The following FBXL17 variants were observed in gnomAD, a reference collection of about 807,000 sequenced individuals.
The protein encoded by FBXL17 is F-box/LRR-repeat protein 17.
Under a neutral mutation model 66.2 loss-of-function variants are expected in FBXL17, and 22 were observed. The observed-to-expected ratio is 0.33, with a 90% CI of 0.24 to 0.47. The LOEUF (loss-of-function observed/expected upper bound fraction) is 0.47, where lower values mean the gene tolerates loss of function less well. Ranked by LOEUF, FBXL17 falls within the 20% of genes least tolerant of loss-of-function variation. The pLI, the probability that FBXL17 is intolerant of heterozygous loss-of-function variation, is 1.00. For missense variants in FBXL17, 878 were observed against 948.2 expected (o/e 0.93, Z 0.97); for synonymous variants, 474 against 400.5 (o/e 1.18, Z -2.19).
intron 4 of FBXL17, among the ~76,000 whole-genome samples, chr5:108,229,977 A>G (rs74910582): frequency 0.12 from 18,099 of 152,204 alleles, 1,349 homozygotes; most frequent in Admixed American, 0.16. Flanking sequence ...AATGCTCAAC[A>G]TCACTAATGA....
At chr5:108,175,225 G>A (rs181717112) in intron 6 of FBXL17, among the ~76,000 whole-genome samples, 1 of 152,252 alleles carries the variant, frequency 6.6e-6, no homozygotes, top group East Asian at 1.9e-4. Flanking sequence ...TGGAAGCAGG[G>A]GTGGAGGGGG....
At chr5:108,248,173 T>C (rs186166370) in intron 4 of FBXL17, among the ~76,000 whole-genome samples, 1 of 152,256 alleles carries the variant, frequency 6.6e-6, no homozygotes, top group East Asian at 1.9e-4. Context: ...ACAAAAACTG[T>C]AAATCAACCA....
intron 7 of FBXL17, among the ~76,000 whole-genome samples, chr5:107,965,761 C>A (rs185553340): frequency 6.6e-6 from 1 of 152,194 alleles, no homozygotes; most frequent in East Asian, 1.9e-4. Context: ...TGAATTAGGA[C>A]CAATTTAGTG....
chr5:108,013,648 A>G (rs1388727833), intron 7 of FBXL17, among the ~76,000 whole-genome samples: 8 of 152,232 alleles, frequency 5.3e-5, no homozygotes, highest in Admixed American at 3.9e-4. Context: ...CCATCTCTGT[A>G]TTTTCCACAG....
intron 4 of FBXL17, among the ~76,000 whole-genome samples, chr5:108,231,548 ATGTGTGCTTCCTGT>A (rs1436003535): frequency 6.6e-6 from 1 of 152,100 alleles, no homozygotes; most frequent in African/African-American, 2.4e-5. Flanking sequence ...CACTAGCAAA[ATGTGTGCTTCCTGT>A]TCCCGCAACA....
chr5:108,052,098 G>C lies in FBXL17; in HGVS notation c.1746-31097C>G, dbSNP rs1299014237. On this transcript the variant is annotated intron_variant, in intron 6 of 8. Transcript: ENST00000542267. ...ACTGCACTCCAGCCTAAGCAACAGA[G>C]TGAGACTTCGTCTCAAAAAAAAAAA... Among the ~76,000 whole-genome samples the C allele has an allele frequency of 4.3e-5, 5 of 116,046 alleles. No individual in the cohort carries two copies. The Admixed American group carries it at 4.6e-4, about 11-fold the overall frequency. The allele number at this position is 116,046 out of a possible 152,430, so 76.1% of individuals were successfully genotyped here.
At chr5:107,872,366 A>G (rs1748483986) in intron 8 of FBXL17, among the ~76,000 whole-genome samples, 1 of 152,094 alleles carries the variant, frequency 6.6e-6, no homozygotes, top group South Asian at 2.1e-4. Context: ...TTACTTATTT[A>G]TTTTCCTCTG....
intron 6 of FBXL17, among the ~76,000 whole-genome samples, chr5:108,081,620 G>A (rs1393605948): frequency 1.3e-5 from 2 of 152,116 alleles, no homozygotes; most frequent in Admixed American, 1.3e-4. Flanking sequence ...CTACTCGGGA[G>A]GCTGAGGCAG....
intron 5 of FBXL17, among the ~76,000 whole-genome samples, chr5:108,220,451 T>C (rs944406861): frequency 6.6e-6 from 1 of 152,196 alleles, no homozygotes; most frequent in Non-Finnish European, 1.5e-5. Flanking sequence ...TTGTCCTTGG[T>C]TGCCTGATAC....
At chr5:108,265,450 A>G (rs1757009105) in intron 4 of FBXL17, among the ~76,000 whole-genome samples, 2 of 152,154 alleles carry the variant, frequency 1.3e-5, no homozygotes, top group South Asian at 4.1e-4. Context: ...GATCTAGACT[A>G]TATTAAACCC....
At chr5:107,989,451 G>A (rs1396014719) in intron 7 of FBXL17, among the ~76,000 whole-genome samples, 6 of 151,984 alleles carry the variant, frequency 3.9e-5, no homozygotes, top group Admixed American at 1.3e-4. Flanking sequence ...TTCCAACCAT[G>A]TTTCTGCAAA....
chr5:107,872,070 C>T (rs1035396073), intron 8 of FBXL17, among the ~76,000 whole-genome samples: 5 of 152,140 alleles, frequency 3.3e-5, no homozygotes, highest in African/African-American at 1.2e-4. Flanking sequence ...AGGAATTTGA[C>T]CCGTTTCCTA....
At chr5:108,301,146 C>G (rs1275913206) in intron 4 of FBXL17, among the ~76,000 whole-genome samples, 1 of 151,692 alleles carries the variant, frequency 6.6e-6, no homozygotes, top group East Asian at 1.9e-4. Flanking sequence ...TACAAAAACA[C>G]TCAGAGATCT....
At chr5:108,164,626 C>G (rs1181694072) in intron 6 of FBXL17, among the ~76,000 whole-genome samples, 1 of 151,946 alleles carries the variant, frequency 6.6e-6, no homozygotes. Context: ...ATTATTATAA[C>G]TGATATGTAT....
chr5:107,948,614 C>CA (rs1265818952), intron 7 of FBXL17, among the ~76,000 whole-genome samples: 4 of 152,188 alleles, frequency 2.6e-5, no homozygotes, highest in Non-Finnish European at 5.9e-5. Context: ...CTGGCTGTGC[C>CA]ACTCCCCAGG....
chr5:108,054,089 C>A (rs1022534917), intron 6 of FBXL17, among the ~76,000 whole-genome samples: 2 of 152,066 alleles, frequency 1.3e-5, no homozygotes, highest in South Asian at 4.2e-4. Context: ...CGGAGAAGAA[C>A]AGCACACACC....
intron 6 of FBXL17, among the ~76,000 whole-genome samples, chr5:108,046,945 C>T (rs1004482522): frequency 3.9e-5 from 6 of 152,160 alleles, no homozygotes; most frequent in Admixed American, 2.0e-4. Context: ...TTTCCTTTTG[C>T]CATTCTTTTA....
chr5:108,169,450 CTT>C (rs1400828184), intron 6 of FBXL17, among the ~76,000 whole-genome samples: 10 of 152,300 alleles, frequency 6.6e-5, no homozygotes, highest in Admixed American at 6.5e-4. Context: ...CATTTACTAA[CTT>C]TAATGAAGAA....
intron 8 of FBXL17, among the ~76,000 whole-genome samples, chr5:107,869,581 GACA>G (rs1190342581): frequency 6.6e-6 from 1 of 152,292 alleles, no homozygotes; most frequent in East Asian, 1.9e-4. Flanking sequence ...CTGCACAGCT[GACA>G]ACATGTGCCT....
Sources: allele counts gnomAD v4.1 joint callset (sites outside exome capture counted in the v4.1 genomes callset), GRCh38; gene constraint gnomAD v4.1.1; transcripts MANE v1.5; gene names NCBI Gene and HGNC (gene_info 2026-07-23, HGNC 2026-07-21).